CSMD3: variants seen among roughly 807,000 people sequenced by gnomAD.
CSMD3 encodes the protein CUB and sushi domain-containing protein 3.
In CSMD3, 177 loss-of-function variants were observed where a neutral mutation model predicts 435.2. That is an observed-to-expected ratio of 0.41 (90% CI 0.36 to 0.46). The LOEUF is 0.46. Among genes scored for constraint, CSMD3 ranks in the 20% least tolerant of loss-of-function variants. The pLI, the probability that CSMD3 is intolerant of heterozygous loss-of-function variation, is 0.34. For synonymous variants in CSMD3, 1,656 were observed against 1,520.5 expected (o/e 1.09, Z -2.07); for missense variants, 4,265 against 4,504.6 (o/e 0.95, Z 1.52).
chr8:112,943,741 C>T (rs1326805488), intron 9 of CSMD3, among the ~76,000 whole-genome samples: 1 of 151,488 alleles, frequency 6.6e-6, no homozygotes, highest in African/African-American at 2.4e-5. Flanking sequence ...ATACAAAGTT[C>T]TTTTTCCCCC....
Position 112,913,316 on chromosome 8 carries a change from C to T in CSMD3, c.1633+8311G>A, listed in dbSNP as rs143727983. ...ATGCAAACTAGATCCCTCACATGCA[C>T]AGTTCACAATAGGGTTCACGCTCCT... On this transcript the variant is annotated intron_variant, in intron 10 of 70. Coordinates refer to ENST00000297405, the MANE Select transcript of CSMD3 (RefSeq NM_198123.2). 5.8e-3 allele frequency among the ~76,000 whole-genome samples: 876 copies of T among 151,914 alleles called. 7 individuals carry two copies. The highest frequency in any genetic ancestry group is 0.02 in the African/African-American group (828 of 41,466).
At chr8:113,248,477 G>GTATATATACATATATATATATACATATA (rs2093300872) in intron 3 of CSMD3, among the ~76,000 whole-genome samples, 1 of 133,024 alleles carries the variant, frequency 7.5e-6, no homozygotes, top group Admixed American at 7.7e-5. Flanking sequence ...TGATATATAT[G>GTATATATACATATATATATATACATATA]TATATATACA....
intron 6 of CSMD3, among the ~76,000 whole-genome samples, chr8:112,989,106 T>C (rs2085355089): frequency 6.6e-6 from 1 of 152,054 alleles, no homozygotes; most frequent in Non-Finnish European, 1.5e-5. Flanking sequence ...AGACACTGTG[T>C]TTCCTAAGAA....
At chr8:112,282,623 C>T (rs1016956213) in intron 58 of CSMD3, among the ~76,000 whole-genome samples, 2 of 152,040 alleles carry the variant, frequency 1.3e-5, no homozygotes, top group Admixed American at 6.6e-5. Context: ...ATGGCCAAAT[C>T]GTACTGTTGT....
chr8:112,590,396 A>C (rs1389030766), intron 22 of CSMD3, among the ~76,000 whole-genome samples: 1 of 152,078 alleles, frequency 6.6e-6, no homozygotes, highest in East Asian at 1.9e-4. Flanking sequence ...AGTGGGGTAA[A>C]AGAATATTCC....
At chr8:113,015,842 T>C (rs1331901078) in intron 6 of CSMD3, among the ~76,000 whole-genome samples, 1 of 151,852 alleles carries the variant, frequency 6.6e-6, no homozygotes. Flanking sequence ...GTTTAGTTTA[T>C]ACTAATGACC....
At chr8:112,451,427 T>A (rs905269213) in intron 32 of CSMD3, among the ~76,000 whole-genome samples, 1 of 152,152 alleles carries the variant, frequency 6.6e-6, no homozygotes, top group Non-Finnish European at 1.5e-5. Flanking sequence ...ATGCATTCAA[T>A]ATGATTTAAA....
chr8:113,045,030 A>G (rs2087770699), intron 5 of CSMD3, among the ~76,000 whole-genome samples: 1 of 148,920 alleles, frequency 6.7e-6, no homozygotes, highest in African/African-American at 2.4e-5. Context: ...ATCCCACAAC[A>G]CTTTATATTG....
rs754429562 is a variant in CSMD3, at chr8:112,287,058, G to T, written c.9331+6C>A. The T allele has an allele frequency of 6.2e-7, 1 of 1,611,074 alleles. No homozygotes were observed. The highest frequency in any genetic ancestry group is 1.1e-5 in the South Asian group (1 of 91,028). ...TGCAATATATTTAATTTCTGCTTGA[G>T]ATTACCTTTGCACTCTGGCTGCCTT... On this transcript the variant is annotated splice_donor_region_variant and intron_variant, in intron 58 of 70. Coordinates refer to ENST00000297405, the MANE Select transcript of CSMD3 (RefSeq NM_198123.2).
chr8:112,584,912 C>T (rs775251957), intron 23 of CSMD3, among the ~76,000 whole-genome samples: 1 of 151,630 alleles, frequency 6.6e-6, no homozygotes, highest in East Asian at 1.9e-4. Context: ...TAACTTTCCA[C>T]CCTAAGATGA....
chr8:113,427,280 A>C (rs921133314), intron 1 of CSMD3, among the ~76,000 whole-genome samples: 4 of 151,458 alleles, frequency 2.6e-5, no homozygotes, highest in African/African-American at 9.7e-5. Context: ...AGACTGATGT[A>C]TATCTATATT....
intron 5 of CSMD3, among the ~76,000 whole-genome samples, chr8:113,024,318 GTT>G (rs879510159): frequency 0.11 from 334 of 2,986 alleles, 1 homozygote; most frequent in South Asian, 0.33. Context: ...GTGTGTGTGT[GTT>G]TGTGTGTGTG....
chr8:112,468,740 T>C (rs1005095340), intron 32 of CSMD3, among the ~76,000 whole-genome samples: 3 of 152,072 alleles, frequency 2.0e-5, no homozygotes, highest in Non-Finnish European at 2.9e-5. Context: ...AAATTAAATA[T>C]ATTTTATTGA....
At chr8:112,966,639 G>C (rs1407639520) in intron 7 of CSMD3, among the ~76,000 whole-genome samples, 1 of 151,606 alleles carries the variant, frequency 6.6e-6, no homozygotes, top group Admixed American at 6.6e-5. Flanking sequence ...AGAATTTTGA[G>C]TAAAATTTAA....
intron 38 of CSMD3, among the ~76,000 whole-genome samples, chr8:112,374,200 ATAT>A (rs72393202): frequency 0.39 from 59,677 of 151,758 alleles, 13,176 homozygotes; most frequent in Middle Eastern, 0.54. Context: ...AACAAGAAAC[ATAT>A]TATAAAATTT....
At chr8:113,080,420 T>C (rs1051009673) in intron 5 of CSMD3, among the ~76,000 whole-genome samples, 3 of 152,172 alleles carry the variant, frequency 2.0e-5, no homozygotes, top group Non-Finnish European at 4.4e-5. Flanking sequence ...ATTATGAGCC[T>C]ACCACAGACG....
At chr8:113,055,887 C>A (rs2088313188) in intron 5 of CSMD3, among the ~76,000 whole-genome samples, 1 of 152,014 alleles carries the variant, frequency 6.6e-6, no homozygotes. Flanking sequence ...TTCTCAAGTA[C>A]CAGGCAAAGG....
chr8:112,633,392 A>G (rs1350265772), intron 22 of CSMD3, among the ~76,000 whole-genome samples: 3 of 151,986 alleles, frequency 2.0e-5, no homozygotes, highest in Non-Finnish European at 4.4e-5. Context: ...ATAATCATAA[A>G]TCTGCTCCTG....
chr8:112,433,120 G>T (rs2130418078), intron 32 of CSMD3, among the ~76,000 whole-genome samples: 1 of 152,000 alleles, frequency 6.6e-6, no homozygotes, highest in East Asian at 1.9e-4. Flanking sequence ...AGGCTAATCA[G>T]TTCAAACAGA....
Sources: gnomAD v4.1 joint callset for allele counts (sites outside exome capture counted in the v4.1 genomes callset) on GRCh38, gnomAD v4.1.1 for gene constraint, MANE v1.5 for transcripts, NCBI Gene and HGNC (gene_info 2026-07-23, HGNC 2026-07-21) for gene names.